Variants in DMD observed in about 807,000 individuals in gnomAD.
The protein encoded by DMD is mutant dystrophin.
A neutral mutation model predicts 330.1 loss-of-function variants in DMD; 63 were observed. That is an observed-to-expected ratio of 0.19 (90% CI 0.16 to 0.24). The LOEUF is 0.24. Among genes scored for constraint, DMD ranks in the 10% least tolerant of loss-of-function variants. The probability of loss-of-function intolerance (pLI) is 1.00; values close to 1 mark genes in which losing one functional copy is unlikely to be tolerated. For missense variants in DMD, 3,344 were observed against 2,684.1 expected, an observed-to-expected ratio of 1.25 and a Z score of -5.43; for synonymous variants, 1,223 against 959.8, an observed-to-expected ratio of 1.27 and a Z score of -5.07.
chrX:31,406,039 C>A (rs1358980187), intron 60 of DMD, among the ~76,000 whole-genome samples: 1 of 111,925 alleles, frequency 8.9e-6, no homozygotes, highest in Non-Finnish European at 1.9e-5. Flanking sequence ...AAAAGATGGG[C>A]AATATAGTCA....
intron 63 of DMD, among the ~76,000 whole-genome samples, chrX:31,233,911 G>A (rs753121870): frequency 5.4e-5 from 6 of 111,665 alleles, no homozygotes; most frequent in Admixed American, 9.5e-5. Context: ...TGTTTGATTC[G>A]TTGGTCAGTT....
intron 11 of DMD, among the ~76,000 whole-genome samples, chrX:32,639,699 A>G (rs1476626087): frequency 1.8e-5 from 2 of 112,204 alleles, no homozygotes; most frequent in Non-Finnish European, 3.8e-5. Context: ...GGAGAAAGAA[A>G]GGAGGAAGTA....
chrX:31,441,908 T>C (rs1029351225), intron 60 of DMD, among the ~76,000 whole-genome samples: 2 of 112,221 alleles, frequency 1.8e-5, no homozygotes, highest in African/African-American at 3.2e-5. Context: ...CTCGGTTATA[T>C]GCAAACCAAA....
At chrX:32,091,243 T>C (rs1282314573) in intron 44 of DMD, among the ~76,000 whole-genome samples, 7 of 112,266 alleles carry the variant, frequency 6.2e-5, no homozygotes, top group Non-Finnish European at 1.1e-4. Context: ...TATCCTTGAA[T>C]TGAATTCTTA....
chrX:31,953,542 C>T (rs10465358), intron 45 of DMD, among the ~76,000 whole-genome samples: 3 of 111,327 alleles, frequency 2.7e-5, no homozygotes, highest in East Asian at 2.8e-4. Flanking sequence ...TAGCATATGC[C>T]GTTGGTTGAT....
chrX:32,982,694 G>T (rs1204053446), intron 2 of DMD, among the ~76,000 whole-genome samples: 1 of 111,715 alleles, frequency 9.0e-6, no homozygotes, highest in Admixed American at 9.6e-5. Context: ...CTTAATAGAA[G>T]CAAGTGACCC....
chrX:32,791,351 C>T (rs1246959971), intron 7 of DMD, among the ~76,000 whole-genome samples: 1 of 111,740 alleles, frequency 8.9e-6, no homozygotes, highest in Non-Finnish European at 1.9e-5. Context: ...GGTTAGCCTG[C>T]CTGGACACAC....
At chrX:32,518,929 C>T (rs990470337) in intron 17 of DMD, among the ~76,000 whole-genome samples, 4 of 107,979 alleles carry the variant, frequency 3.7e-5, no homozygotes, top group Non-Finnish European at 5.7e-5. Context: ...TGTTTTAAGC[C>T]ACTACATTTT....
intron 45 of DMD, among the ~76,000 whole-genome samples, chrX:31,956,441 C>T (rs1011621316): frequency 1.8e-5 from 2 of 111,265 alleles, no homozygotes; most frequent in Admixed American, 9.6e-5. Flanking sequence ...AGAACATGTC[C>T]TAGAGAAACA....
intron 9 of DMD, among the ~76,000 whole-genome samples, chrX:32,679,901 A>ATTTTT (rs1569447513): frequency 1.6e-4 from 5 of 30,954 alleles, no homozygotes; most frequent in African/African-American, 6.6e-4. Flanking sequence ...TAATATTTGT[A>ATTTTT]CTTTTTTTTT....
At chrX:32,564,384 TG>T (rs2051432641) in intron 16 of DMD, among the ~76,000 whole-genome samples, 1 of 111,697 alleles carries the variant, frequency 9.0e-6, no homozygotes, top group Admixed American at 9.6e-5. Context: ...GTGGAAGCAA[TG>T]GGTACATATG....
At chrX:32,822,204 C>T (rs2078316951) in intron 5 of DMD, among the ~76,000 whole-genome samples, 1 of 111,427 alleles carries the variant, frequency 9.0e-6, no homozygotes, top group Non-Finnish European at 1.9e-5. Context: ...ACACTGAGTG[C>T]CTTGCAGATA....
intron 52 of DMD, among the ~76,000 whole-genome samples, chrX:31,691,118 TA>T (rs926773750): frequency 2.7e-4 from 28 of 105,347 alleles, no homozygotes; most frequent in African/African-American, 9.0e-4. Flanking sequence ...AAAGTATAAT[TA>T]AAAAAAAAAG....
At chrX:32,016,817 C>T (rs1487146953) in intron 44 of DMD, among the ~76,000 whole-genome samples, 1 of 112,299 alleles carries the variant, frequency 8.9e-6, no homozygotes, top group Non-Finnish European at 1.9e-5. Context: ...TAAATATCTG[C>T]CTGATGAAAC....
At chrX:32,044,999 C>T (rs551787317) in intron 44 of DMD, among the ~76,000 whole-genome samples, 2 of 110,676 alleles carry the variant, frequency 1.8e-5, no homozygotes, top group Non-Finnish European at 3.8e-5. Context: ...TGGGGCCTGG[C>T]GGGAGGTTTT....
At chrX:32,965,827 C>A (rs796615988) in intron 2 of DMD, among the ~76,000 whole-genome samples, 1 of 111,819 alleles carries the variant, frequency 8.9e-6, no homozygotes, top group African/African-American at 3.3e-5. Flanking sequence ...CTCATCTTGG[C>A]TTCAAAGTAA....
At chrX:32,742,323 C>A (rs1400332071) in intron 7 of DMD, among the ~76,000 whole-genome samples, 1 of 111,759 alleles carries the variant, frequency 8.9e-6, no homozygotes, top group Admixed American at 9.6e-5. Flanking sequence ...ATTCTTCGTG[C>A]CCACTGGGAT....
chrX:33,121,547 A>T (rs2095425142), intron 1 of DMD, among the ~76,000 whole-genome samples: 1 of 111,724 alleles, frequency 9.0e-6, no homozygotes, highest in Non-Finnish European at 1.9e-5. Flanking sequence ...ATTCTTTTTT[A>T]ATTTGCAGAC....
At chrX:31,301,210 C>T (rs111967111) in intron 62 of DMD, among the ~76,000 whole-genome samples, 224 of 111,685 alleles carry the variant, frequency 2.0e-3, no homozygotes, top group Non-Finnish European at 3.5e-3. Context: ...AGAAAGCCTC[C>T]CCAACACCCT....
Sources: gnomAD v4.1 joint callset for allele counts (sites outside exome capture counted in the v4.1 genomes callset) on GRCh38, gnomAD v4.1.1 for gene constraint, MANE v1.5 for transcripts, NCBI Gene and HGNC (gene_info 2026-07-23, HGNC 2026-07-21) for gene names.